SNTG1: variants seen among roughly 807,000 people sequenced by gnomAD.
SNTG1 encodes syntrophin gamma 1.
A neutral mutation model predicts 74.7 loss-of-function variants in SNTG1; 39 were observed. The ratio of observed to expected loss-of-function variants is 0.52; its 90% CI spans 0.40 to 0.68. The LOEUF (loss-of-function observed/expected upper bound fraction) is 0.68. SNTG1 is among the 30% of genes least tolerant of loss of function. SNTG1 has a pLI of 0.00. For missense variants in SNTG1, 685 were observed against 609.5 expected (o/e 1.12, Z -1.30); for synonymous variants, 254 against 217.1 (o/e 1.17, Z -1.49).
At chr8:50,738,320 C>A (rs959539133) in intron 17 of SNTG1, among the ~76,000 whole-genome samples, 7 of 151,762 alleles carry the variant, frequency 4.6e-5, no homozygotes, top group African/African-American at 1.7e-4. Context: ...TTGCTACAAA[C>A]AGAATAAAAT....
intron 1 of SNTG1, among the ~76,000 whole-genome samples, chr8:50,167,235 C>T (rs1191895172): frequency 1.5e-5 from 2 of 137,714 alleles, no homozygotes; most frequent in African/African-American, 5.6e-5. Flanking sequence ...AACTAACCTG[C>T]ACAATGTGCA....
chr8:50,085,274 A>G (rs982778355), intron 1 of SNTG1, among the ~76,000 whole-genome samples: 1 of 152,144 alleles, frequency 6.6e-6, no homozygotes, highest in Admixed American at 6.6e-5. Context: ...TTCATCAGTA[A>G]CTGACAACTC....
At chr8:50,276,461 C>A (rs757756312) in intron 2 of SNTG1, among the ~76,000 whole-genome samples, 1 of 150,536 alleles carries the variant, frequency 6.6e-6, no homozygotes, top group Non-Finnish European at 1.5e-5. Context: ...GTACTTTAAT[C>A]TTCCTTTTGT....
intron 8 of SNTG1, among the ~76,000 whole-genome samples, chr8:50,496,382 G>A (rs1168666179): frequency 1.3e-5 from 2 of 152,114 alleles, no homozygotes; most frequent in African/African-American, 2.4e-5. Flanking sequence ...TTCCTGATGT[G>A]TGCTTAAAAT....
chr8:50,590,890 C>G lies in SNTG1; in HGVS notation c.822C>G (p.Ile274Met), dbSNP rs2094687211. Residue 274 changes from isoleucine to methionine, a missense_variant, in exon 13 of 19, where the codon ATC (isoleucine) becomes ATG (methionine). Coordinates refer to ENST00000642720, the MANE Select transcript of SNTG1 (RefSeq NM_018967.5). ...SNLTKHNIKKINRNFPVNQQI... is the reference protein window; with the variant it reads ...SNLTKHNIKKMNRNFPVNQQI... Reference sequence around the variant, plus strand: ...ATTTATCATTGCAGATTAAAAAAATCAACAGAAACTTTCCTGTAAACCAGC... The same window carrying G: ...ATTTATCATTGCAGATTAAAAAAATGAACAGAAACTTTCCTGTAAACCAGC... The G allele has an allele frequency of 6.4e-7, 1 of 1,568,670 alleles. No homozygotes were observed. The highest frequency in any genetic ancestry group is 8.7e-7 in the Non-Finnish European group (1 of 1,153,046).
chr8:49,982,908 T>C (rs563781707), intron 1 of SNTG1, among the ~76,000 whole-genome samples: 2 of 152,330 alleles, frequency 1.3e-5, no homozygotes, highest in South Asian at 4.1e-4. Context: ...ATTGATGTAA[T>C]CCAATTCAAT....
chr8:50,705,775 T>C (rs1478345065), intron 16 of SNTG1, among the ~76,000 whole-genome samples: 2 of 152,212 alleles, frequency 1.3e-5, no homozygotes, highest in Non-Finnish European at 2.9e-5. Flanking sequence ...TCAAACTTTA[T>C]AGAGCCCTCA....
intron 17 of SNTG1, among the ~76,000 whole-genome samples, chr8:50,750,663 G>A (rs528433239): frequency 6.6e-6 from 1 of 151,986 alleles, no homozygotes; most frequent in East Asian, 1.9e-4. Flanking sequence ...AAAGGACTAC[G>A]GCTCACTGAA....
intron 4 of SNTG1, among the ~76,000 whole-genome samples, chr8:50,408,784 T>C (rs1336753463): frequency 6.6e-6 from 1 of 152,156 alleles, no homozygotes; most frequent in Non-Finnish European, 1.5e-5. Context: ...CCTGGACATA[T>C]TGTAGGGCAT....
At chr8:50,777,845 C>T (rs908461544) in intron 18 of SNTG1, among the ~76,000 whole-genome samples, 1 of 152,032 alleles carries the variant, frequency 6.6e-6, no homozygotes, top group African/African-American at 2.4e-5. Context: ...AAAGCTATCC[C>T]TCCCCTGTCC....
chr8:50,781,738 C>T (rs758589773), intron 18 of SNTG1, among the ~76,000 whole-genome samples: 1 of 152,132 alleles, frequency 6.6e-6, no homozygotes, highest in African/African-American at 2.4e-5. Context: ...TGAATTTGAT[C>T]CTGTCATTAT....
In SNTG1 at chr8:50,367,162, G is replaced by A. The variant is rs533987251; in HGVS notation, c.-27-27050G>A. 6.3e-4 allele frequency among the ~76,000 whole-genome samples: 96 copies of A among 151,760 alleles called. 1 individual carries two copies. The South Asian group carries it at 8.3e-3, about 13-fold the overall frequency. Reference sequence around the variant, plus strand: ...GGAAAACATTCATTTATATAATAGAGTGTTGTTTCCTTTACCAAGTAGATC... The same window carrying A: ...GGAAAACATTCATTTATATAATAGAATGTTGTTTCCTTTACCAAGTAGATC... On this transcript the variant is annotated intron_variant, in intron 2 of 18. Transcript: ENST00000642720.
chr8:50,368,452 CA>C (rs765807671), intron 2 of SNTG1, among the ~76,000 whole-genome samples: 33 of 152,244 alleles, frequency 2.2e-4, no homozygotes, highest in Admixed American at 9.8e-4. Context: ...ATCTATAATG[CA>C]AAAACTGGAG....
intron 1 of SNTG1, among the ~76,000 whole-genome samples, chr8:49,918,083 A>G (rs1806202549): frequency 6.6e-6 from 1 of 152,182 alleles, no homozygotes; most frequent in Non-Finnish European, 1.5e-5. Flanking sequence ...TGAGATATTC[A>G]GTCAGATTTT....
intron 9 of SNTG1, among the ~76,000 whole-genome samples, chr8:50,509,803 A>C (rs1357451403): frequency 1.3e-5 from 2 of 152,098 alleles, no homozygotes; most frequent in African/African-American, 4.8e-5. Context: ...CTATCAGCTT[A>C]AGGAGATTTT....
At chr8:50,781,946 T>C (rs2095660859) in intron 18 of SNTG1, among the ~76,000 whole-genome samples, 1 of 152,196 alleles carries the variant, frequency 6.6e-6, no homozygotes, top group African/African-American at 2.4e-5. Context: ...AAGGATTTTA[T>C]TTCACTTTCA....
intron 1 of SNTG1, among the ~76,000 whole-genome samples, chr8:49,984,496 C>T (rs942159108): frequency 6.6e-6 from 1 of 152,084 alleles, no homozygotes; most frequent in Non-Finnish European, 1.5e-5. Flanking sequence ...TGAGCCACTG[C>T]GCCCAGCCTA....
intron 18 of SNTG1, among the ~76,000 whole-genome samples, chr8:50,782,328 A>T (rs536899430): frequency 2.2e-4 from 33 of 152,310 alleles, no homozygotes; most frequent in African/African-American, 7.7e-4. Context: ...TCTCCCCGTC[A>T]CTTTCAGGTA....
intron 2 of SNTG1, among the ~76,000 whole-genome samples, chr8:50,310,644 T>C (rs1444887516): frequency 2.0e-5 from 3 of 152,082 alleles, no homozygotes; most frequent in African/African-American, 7.2e-5. Flanking sequence ...GCCGAGACCA[T>C]GCCATTGCAC....
Sources: allele counts gnomAD v4.1 joint callset (sites outside exome capture counted in the v4.1 genomes callset), GRCh38; gene constraint gnomAD v4.1.1; transcripts MANE v1.5; gene names NCBI Gene and HGNC (gene_info 2026-07-23, HGNC 2026-07-21).